IGFL2: variants seen among roughly 807,000 people sequenced by gnomAD.
IGFL2 encodes the protein insulin growth factor-like family member 2.
IGFL2 carries 7 observed loss-of-function variants against 13.9 expected under a neutral mutation model. That is an observed-to-expected ratio of 0.51 (90% CI 0.29 to 0.95). The LOEUF is 0.95. Ranked by LOEUF, IGFL2 falls within the 40% of genes least tolerant of loss-of-function variation. The pLI is 0.08. For synonymous variants in IGFL2, 55 were observed against 55.8 expected, an observed-to-expected ratio of 0.99 and a Z score of 0.07; for missense variants, 138 against 147.8, an observed-to-expected ratio of 0.93 and a Z score of 0.34.
chr19:46,119,219 T>A, the IGFL2 span, among the ~76,000 whole-genome samples: 9 of 152,212 alleles, frequency 5.9e-5, no homozygotes, highest in Admixed American at 4.6e-4. Context: ...ACACCACACT[T>A]AGGACAGTGA....
intron 1 of IGFL2, among the ~76,000 whole-genome samples, chr19:46,155,365 T>C (rs1190941119): frequency 6.6e-6 from 1 of 152,130 alleles, no homozygotes; most frequent in East Asian, 1.9e-4. Flanking sequence ...GCATAGAGCT[T>C]CAATTACACA....
chr19:46,128,332 T>A, the IGFL2 span, among the ~76,000 whole-genome samples: 1 of 152,292 alleles, frequency 6.6e-6, no homozygotes, highest in African/African-American at 2.4e-5. Flanking sequence ...AGATGCCCTT[T>A]ATTTCTTTCT....
the IGFL2 span, among the ~76,000 whole-genome samples, chr19:46,100,512 G>A: frequency 2.6e-5 from 4 of 152,258 alleles, no homozygotes; most frequent in East Asian, 3.9e-4. Flanking sequence ...AAAAATGTGG[G>A]GAATCAGCAT....
chr19:46,186,810 A>G, the IGFL2 span, among the ~76,000 whole-genome samples: 1 of 152,232 alleles, frequency 6.6e-6, no homozygotes, highest in Non-Finnish European at 1.5e-5. Context: ...GTCCGCTGCT[A>G]CGTGTCAGGC....
the IGFL2 span, among the ~76,000 whole-genome samples, chr19:46,127,731 T>C: frequency 7.9e-5 from 12 of 152,178 alleles, no homozygotes; most frequent in Non-Finnish European, 1.8e-4. Flanking sequence ...ACAGACTGCA[T>C]GCAATTTCTT....
At chr19:46,123,708 C>T in the IGFL2 span, among the ~76,000 whole-genome samples, 5 of 150,932 alleles carry the variant, frequency 3.3e-5, no homozygotes, top group African/African-American at 7.4e-5. Flanking sequence ...TGTTTGTCCT[C>T]GACCATGAAG....
At chr19:46,164,271 C>T (rs184476726), downstream of IGFL2, 1 of 146,958 alleles carries the variant, frequency 6.8e-6, no homozygotes, top group Admixed American at 6.7e-5. Flanking sequence ...TGGGACATTC[C>T]ACCCAGTGAG....
chr19:46,120,521 A>G, the IGFL2 span, among the ~76,000 whole-genome samples: 6 of 151,088 alleles, frequency 4.0e-5, no homozygotes, highest in Non-Finnish European at 5.9e-5. Flanking sequence ...AAAAGCAGGA[A>G]GATAGGACAC....
chr19:46,159,697 A>AT (rs1415068441), intron 1 of IGFL2: 5 of 151,988 alleles, frequency 3.3e-5, no homozygotes, highest in Non-Finnish European at 7.4e-5. Flanking sequence ...ATATTCCATC[A>AT]TTTTTTTCCA....
At chr19:46,088,152 C>G in the IGFL2 span, among the ~76,000 whole-genome samples, 1 of 152,144 alleles carries the variant, frequency 6.6e-6, no homozygotes, top group African/African-American at 2.4e-5. Flanking sequence ...TTTGGTGCCT[C>G]CCATTACTTC....
At chr19:46,208,558 G>A in the IGFL2 span, 1 of 152,176 alleles carries the variant, frequency 6.6e-6, no homozygotes, top group Non-Finnish European at 1.5e-5. Context: ...TATATAATTT[G>A]GCTCTGTCTT....
the IGFL2 span, among the ~76,000 whole-genome samples, chr19:46,126,894 T>C: frequency 2.0e-5 from 3 of 152,252 alleles, no homozygotes; most frequent in Middle Eastern, 3.4e-3. Flanking sequence ...CTATTGATGA[T>C]ACGATGCATC....
At chr19:46,178,794 A>G in the IGFL2 span, among the ~76,000 whole-genome samples, 1 of 152,166 alleles carries the variant, frequency 6.6e-6, no homozygotes, top group African/African-American at 2.4e-5. Context: ...GAACCAATGT[A>G]TACCTTACGT....
intron 1 of IGFL2, 189 bp from the exon 2 acceptor site, chr19:46,160,226 A>G (rs1974075876): frequency 6.6e-6 from 4 of 609,952 alleles, no homozygotes; most frequent in Middle Eastern, 3.0e-4. Flanking sequence ...AGAAGGGTCC[A>G]TGCTTCTCTG....
chr19:46,207,563 G>A, the IGFL2 span: 7 of 152,104 alleles, frequency 4.6e-5, no homozygotes, highest in African/African-American at 1.4e-4. Flanking sequence ...TGTATTTTTC[G>A]TAGAGACGGG....
chr19:46,191,946 C>T, the IGFL2 span, among the ~76,000 whole-genome samples: 6 of 152,176 alleles, frequency 3.9e-5, no homozygotes, highest in Admixed American at 3.3e-4. Flanking sequence ...TTCTTCTTGG[C>T]ATAGCTTGTT....
At chr19:46,120,985 AT>A in the IGFL2 span, among the ~76,000 whole-genome samples, 153 of 150,906 alleles carry the variant, frequency 1.0e-3, 6 homozygotes, top group African/African-American at 3.5e-3. Flanking sequence ...CCTTAGGTTT[AT>A]TTTTAATTCA....
the IGFL2 span, among the ~76,000 whole-genome samples, chr19:46,097,106 G>C: frequency 6.6e-6 from 1 of 152,170 alleles, no homozygotes; most frequent in Non-Finnish European, 1.5e-5. Flanking sequence ...GCTCCTCTTT[G>C]TACCTCTGGT....
At chr19:46,083,452 T>C in the IGFL2 span, among the ~76,000 whole-genome samples, 2 of 152,308 alleles carry the variant, frequency 1.3e-5, no homozygotes, top group East Asian at 3.9e-4. Flanking sequence ...TATATTAATA[T>C]GTATGCAAAT....
Sources: gnomAD v4.1 joint callset for allele counts (sites outside exome capture counted in the v4.1 genomes callset) on GRCh38, gnomAD v4.1.1 for gene constraint, MANE v1.5 for transcripts, NCBI Gene and HGNC (gene_info 2026-07-23, HGNC 2026-07-21) for gene names.